The following CCDC148 variants were observed in gnomAD, a reference collection of about 807,000 sequenced individuals.
CCDC148 encodes the protein coiled-coil domain-containing protein 148.
CCDC148 carries 89 observed loss-of-function variants against 85.7 expected under a neutral mutation model. That is an observed-to-expected ratio of 1.04 (90% CI 0.87 to 1.24). CCDC148 has a LOEUF of 1.24. Among genes scored for constraint, CCDC148 ranks in the 50% most tolerant of loss-of-function variants. The pLI, the probability that CCDC148 is intolerant of heterozygous loss-of-function variation, is 0.00. For missense variants in CCDC148, 692 were observed against 671.7 expected (o/e 1.03, Z -0.33); for synonymous variants, 230 against 213.9 (o/e 1.08, Z -0.66).
chr2:158,394,452 T>G (rs1685441688), intron 1 of CCDC148, among the ~76,000 whole-genome samples: 1 of 152,072 alleles, frequency 6.6e-6, no homozygotes, highest in Non-Finnish European at 1.5e-5. Flanking sequence ...CAAGAAGGCA[T>G]GAGCAAACTC....
At chr2:158,424,352 T>A (rs1196361595) in intron 1 of CCDC148, among the ~76,000 whole-genome samples, 3 of 151,948 alleles carry the variant, frequency 2.0e-5, no homozygotes, top group African/African-American at 7.3e-5. Context: ...ATTAAGAAAA[T>A]GTGGCACATA....
intron 11 of CCDC148, 47 bp downstream of exon 11, chr2:158,220,548 C>A: frequency 7.8e-7 from 1 of 1,274,540 alleles, no homozygotes; most frequent in East Asian, 2.3e-5. Flanking sequence ...TTACAAAAGA[C>A]TCCATTCACC....
At chr2:158,181,167 C>T (rs1016547563) in intron 11 of CCDC148, among the ~76,000 whole-genome samples, 12 of 152,260 alleles carry the variant, frequency 7.9e-5, no homozygotes, top group African/African-American at 2.4e-4. Context: ...GAAAGTTTCT[C>T]TTCCTTTGGG....
intron 10 of CCDC148, among the ~76,000 whole-genome samples, chr2:158,228,286 A>G (rs1298602156): frequency 4.6e-5 from 7 of 152,218 alleles, no homozygotes; most frequent in African/African-American, 1.4e-4. Flanking sequence ...TAGAATTGCA[A>G]TCATTAAAAA....
At chr2:158,343,351 A>G (rs1348434456) in intron 3 of CCDC148, among the ~76,000 whole-genome samples, 1 of 152,182 alleles carries the variant, frequency 6.6e-6, no homozygotes, top group Non-Finnish European at 1.5e-5. Flanking sequence ...GTTATTTATG[A>G]TCTACAAATT....
chr2:158,433,736 T>A (rs1574813944), intron 1 of CCDC148, among the ~76,000 whole-genome samples: 1 of 152,134 alleles, frequency 6.6e-6, no homozygotes, highest in East Asian at 1.9e-4. Context: ...AAGGAAGCTG[T>A]GACAGACGGT....
rs113022702 is a variant in CCDC148 at position 158,322,991 on chromosome 2, T to C, written c.765-9097A>G. ...ATCAGACAATTATGTCTCATCTATA[T>C]GGTTAATTCATCCAAATGTTAGGAA... On this transcript the variant is annotated intron_variant, in intron 7 of 13. Transcript: ENST00000283233. 3.5e-3 allele frequency among the ~76,000 whole-genome samples: 527 copies of C among 152,284 alleles called. 1 individual carries two copies. Among genetic ancestry groups the C allele is most frequent in the African/African-American group, 0.012 (507 of 41,556 alleles).
chr2:158,176,411 A>G, intron 13 of CCDC148, 110 bp downstream of exon 13: 2 of 1,022,932 alleles, frequency 2.0e-6, no homozygotes, highest in Non-Finnish European at 2.8e-6. Flanking sequence ...GCTAATATGT[A>G]AGATATTCAA....
intron 1 of CCDC148, among the ~76,000 whole-genome samples, chr2:158,372,601 T>C (rs796554378): frequency 3.9e-5 from 6 of 152,030 alleles, no homozygotes; most frequent in African/African-American, 1.2e-4. Flanking sequence ...CCTTGGTCCC[T>C]TTTACGCCTA....
At chr2:158,321,628 T>C (rs1339477649) in intron 7 of CCDC148, among the ~76,000 whole-genome samples, 1 of 152,188 alleles carries the variant, frequency 6.6e-6, no homozygotes, top group Non-Finnish European at 1.5e-5. Flanking sequence ...CAGTTACCTA[T>C]TATACCCCTT....
At chr2:158,412,307 T>C (rs1172731596) in intron 1 of CCDC148, among the ~76,000 whole-genome samples, 2 of 152,192 alleles carry the variant, frequency 1.3e-5, no homozygotes, top group African/African-American at 4.8e-5. Flanking sequence ...AATTGTACTC[T>C]AAAGCTCTCC....
At chr2:158,380,322 C>G (rs1162696421) in intron 1 of CCDC148, among the ~76,000 whole-genome samples, 1 of 152,030 alleles carries the variant, frequency 6.6e-6, no homozygotes. Flanking sequence ...TAAAAGAAAG[C>G]ATTACAGTAG....
chr2:158,308,854 C>T (rs1281525777), intron 9 of CCDC148, among the ~76,000 whole-genome samples: 2 of 152,134 alleles, frequency 1.3e-5, no homozygotes, highest in Admixed American at 1.3e-4. Flanking sequence ...TTGCTCCAGT[C>T]CTCAATCCTT....
chr2:158,237,695 G>C (rs183604909), intron 10 of CCDC148, among the ~76,000 whole-genome samples: 103 of 152,294 alleles, frequency 6.8e-4, no homozygotes. Flanking sequence ...CAAAAGAAAA[G>C]TCCAGGCCAA....
At chr2:158,322,444 T>C (rs1400256699) in intron 7 of CCDC148, among the ~76,000 whole-genome samples, 3 of 152,068 alleles carry the variant, frequency 2.0e-5, no homozygotes, top group Non-Finnish European at 1.5e-5. Context: ...TCAGTAGATA[T>C]GTGTATAGTT....
chr2:158,440,748 C>T (rs766137829), intron 1 of CCDC148, among the ~76,000 whole-genome samples: 7 of 152,078 alleles, frequency 4.6e-5, no homozygotes, highest in African/African-American at 1.2e-4. Context: ...AGTAAAATCA[C>T]GAATTAGTGG....
intron 9 of CCDC148, among the ~76,000 whole-genome samples, chr2:158,268,695 A>T (rs1431308631): frequency 6.6e-6 from 1 of 152,126 alleles, no homozygotes; most frequent in Non-Finnish European, 1.5e-5. Flanking sequence ...TATTTATCTT[A>T]TAAATGAAAG....
intron 1 of CCDC148, among the ~76,000 whole-genome samples, chr2:158,435,174 G>T (rs1355202597): frequency 6.6e-6 from 1 of 152,092 alleles, no homozygotes; most frequent in South Asian, 2.1e-4. Flanking sequence ...ACACATAATT[G>T]TCAGATTCAC....
intron 1 of CCDC148, among the ~76,000 whole-genome samples, chr2:158,391,902 G>T (rs995952744): frequency 2.6e-5 from 4 of 152,088 alleles, no homozygotes; most frequent in Admixed American, 2.0e-4. Flanking sequence ...GAGGGGATGA[G>T]ACCTGGAGGA....
Sources: allele counts gnomAD v4.1 joint callset (sites outside exome capture counted in the v4.1 genomes callset), GRCh38; gene constraint gnomAD v4.1.1; transcripts MANE v1.5; gene names NCBI Gene and HGNC (gene_info 2026-07-23, HGNC 2026-07-21).